TIAM1: variants seen among roughly 807,000 people sequenced by gnomAD.
The protein encoded by TIAM1 is TIAM Rac1 associated GEF 1.
Under a neutral mutation model 163.5 loss-of-function variants are expected in TIAM1, and 65 were observed. That is an observed-to-expected ratio of 0.40 (90% confidence interval 0.33 to 0.49). The LOEUF is 0.49. Ranked by LOEUF, TIAM1 falls within the 20% of genes least tolerant of loss-of-function variation. The pLI is 0.77. For missense variants in TIAM1, 1,789 were observed against 2,044.7 expected (o/e 0.87, Z 2.41); for synonymous variants, 833 against 810.1 (o/e 1.03, Z -0.48).
intron 2 of TIAM1, among the ~76,000 whole-genome samples, chr21:31,369,577 G>A (rs541594617): frequency 2.6e-5 from 4 of 152,150 alleles, no homozygotes; most frequent in Admixed American, 1.3e-4. Flanking sequence ...TGTTCCCAAC[G>A]TAAAAAAATA....
chr21:31,408,347 T>G (rs1294586600), intron 2 of TIAM1, among the ~76,000 whole-genome samples: 1 of 152,184 alleles, frequency 6.6e-6, no homozygotes, highest in Non-Finnish European at 1.5e-5. Context: ...CATCCTGATA[T>G]CAAGGGGACA....
chr21:31,142,463 C>CAAAAA (rs34368848), intron 20 of TIAM1, among the ~76,000 whole-genome samples: 16 of 49,914 alleles, frequency 3.2e-4, no homozygotes, highest in African/African-American at 7.5e-4. Context: ...ACTAAAAATA[C>CAAAAA]AAAAAAAAAA....
At chr21:31,396,698 C>T (rs2077077048) in intron 2 of TIAM1, among the ~76,000 whole-genome samples, 1 of 151,334 alleles carries the variant, frequency 6.6e-6, no homozygotes. Flanking sequence ...GCCTGTAATG[C>T]CAGCACTTTG....
intron 22 of TIAM1, among the ~76,000 whole-genome samples, chr21:31,140,833 GTAA>G (rs1209783871): frequency 3.9e-5 from 6 of 152,292 alleles, no homozygotes; most frequent in African/African-American, 4.8e-5. Flanking sequence ...CCAGATTGTG[GTAA>G]TGGAAGTTCA....
At chr21:31,409,032 G>C (rs1043666584) in intron 2 of TIAM1, among the ~76,000 whole-genome samples, 25 of 151,798 alleles carry the variant, frequency 1.6e-4, no homozygotes, top group African/African-American at 6.0e-4. Context: ...TGGGTCCTAA[G>C]AATGTCTCTG....
chr21:31,252,833 A>T (rs76745498), intron 4 of TIAM1, among the ~76,000 whole-genome samples: 1 of 152,108 alleles, frequency 6.6e-6, no homozygotes. Flanking sequence ...GCAGCCTCTC[A>T]CTCTGCATTG....
At chr21:31,148,001 G>A (rs561732348) in intron 19 of TIAM1, among the ~76,000 whole-genome samples, 17 of 47,772 alleles carry the variant, frequency 3.6e-4, no homozygotes, top group Admixed American at 3.4e-3. Context: ...GTCTGTCCAT[G>A]ACCAAAAAAA....
At chr21:31,372,932 G>A (rs977343392) in intron 2 of TIAM1, among the ~76,000 whole-genome samples, 2 of 152,042 alleles carry the variant, frequency 1.3e-5, no homozygotes, top group African/African-American at 2.4e-5. Flanking sequence ...GCGCATGCCT[G>A]TAATAGCAGC....
intron 1 of TIAM1, among the ~76,000 whole-genome samples, chr21:31,539,387 T>G (rs1185837951): frequency 1.3e-5 from 2 of 150,662 alleles, no homozygotes; most frequent in Non-Finnish European, 2.9e-5. Context: ...TGCCTCAGCC[T>G]CCCGAGTAGC....
intron 12 of TIAM1, among the ~76,000 whole-genome samples, chr21:31,201,473 G>A (rs2086197725): frequency 6.6e-6 from 1 of 152,162 alleles, no homozygotes; most frequent in Admixed American, 6.5e-5. Flanking sequence ...GGGGCACAAG[G>A]TAACTTTTCA....
At chr21:31,254,759 A>G (rs1216435658) in intron 4 of TIAM1, among the ~76,000 whole-genome samples, 1 of 152,148 alleles carries the variant, frequency 6.6e-6, no homozygotes, top group Non-Finnish European at 1.5e-5. Flanking sequence ...CTTACCAACA[A>G]TGGCTCTTCC....
At chr21:31,198,720 A>C (rs571959353) in intron 12 of TIAM1, among the ~76,000 whole-genome samples, 1 of 152,302 alleles carries the variant, frequency 6.6e-6, no homozygotes, top group African/African-American at 2.4e-5. Context: ...TTTCCACAGG[A>C]TCTAGTGGGA....
intron 19 of TIAM1, among the ~76,000 whole-genome samples, chr21:31,150,138 T>C (rs2083310486): frequency 6.6e-6 from 1 of 152,160 alleles, no homozygotes; most frequent in Non-Finnish European, 1.5e-5. Flanking sequence ...CTCTGCACTA[T>C]TCTTGTAACT....
rs1161058386 is a variant in TIAM1 at position 31,492,340 on chromosome 21, A to G, written c.-421-28305T>C. 2.0e-5 allele frequency among the ~76,000 whole-genome samples: 3 copies of G among 152,186 alleles called. No homozygotes were observed. In the East Asian group the frequency reaches 5.8e-4, roughly 29 times the overall value. ...GAAAACAGTTCTGAACTGAAAGCTG[A>G]TCTTCACAGGTGCAGGAATGAAAGT... On this transcript the variant is annotated intron_variant, in intron 1 of 28. Coordinates refer to the TIAM1 transcript ENST00000286827.
intron 7 of TIAM1, among the ~76,000 whole-genome samples, chr21:31,224,212 G>A (rs572653789): frequency 5.9e-5 from 9 of 152,322 alleles, no homozygotes; most frequent in Admixed American, 3.9e-4. Flanking sequence ...CTGGCATAGA[G>A]TGAAGGTGCA....
chr21:31,321,150 G>T (rs73353402), intron 2 of TIAM1, among the ~76,000 whole-genome samples: 5,341 of 152,056 alleles, frequency 0.035, 322 homozygotes, highest in African/African-American at 0.12. Flanking sequence ...AAGGGGGCGG[G>T]GGGGGATGAC....
intron 20 of TIAM1, among the ~76,000 whole-genome samples, chr21:31,145,861 A>G (rs2083082389): frequency 6.6e-6 from 1 of 152,074 alleles, no homozygotes; most frequent in Admixed American, 6.6e-5. Context: ...AATGAAACCA[A>G]TTTTTTTCCT....
intron 2 of TIAM1, among the ~76,000 whole-genome samples, chr21:31,440,273 G>A (rs2044371625): frequency 6.6e-6 from 1 of 152,088 alleles, no homozygotes; most frequent in African/African-American, 2.4e-5. Context: ...TCACTCAAAG[G>A]CTGTATTCAC....
intron 2 of TIAM1, among the ~76,000 whole-genome samples, chr21:31,362,445 A>AATTATTATTATTATTATT (rs10634487): frequency 2.5e-4 from 35 of 142,784 alleles, no homozygotes; most frequent in East Asian, 6.2e-4. Flanking sequence ...ATGCAGTGAC[A>AATTATTATTATTATTATT]ATTATTATTA....
Sources: gnomAD v4.1 joint callset for allele counts (sites outside exome capture counted in the v4.1 genomes callset) on GRCh38, gnomAD v4.1.1 for gene constraint, MANE v1.5 for transcripts, NCBI Gene and HGNC (gene_info 2026-07-23, HGNC 2026-07-21) for gene names.